The following LAMB1 variants were observed in gnomAD, a reference collection of about 807,000 sequenced individuals.
The protein encoded by LAMB1 is laminin subunit beta 1.
A neutral mutation model predicts 222.3 loss-of-function variants in LAMB1; 121 were observed. That is an observed-to-expected ratio of 0.54 (90% CI 0.47 to 0.63). LAMB1 has a LOEUF of 0.63. LAMB1 is among the 30% of genes least tolerant of loss of function. The pLI, the probability that LAMB1 is intolerant of heterozygous loss-of-function variation, is 0.00. For missense variants in LAMB1, 2,172 were observed against 2,240.8 expected, an observed-to-expected ratio of 0.97 and a Z score of 0.62; for synonymous variants, 794 against 807.2, an observed-to-expected ratio of 0.98 and a Z score of 0.28.
At chr7:107,974,577 G>T (rs528819526) in intron 12 of LAMB1, among the ~76,000 whole-genome samples, 1 of 152,292 alleles carries the variant, frequency 6.6e-6, no homozygotes, top group Non-Finnish European at 1.5e-5. Flanking sequence ...TAGATTCCCA[G>T]AGGTGGGGTT....
chr7:107,992,374 G>A (rs1036901487), intron 5 of LAMB1, among the ~76,000 whole-genome samples: 18 of 152,362 alleles, frequency 1.2e-4, no homozygotes, highest in African/African-American at 3.4e-4. Flanking sequence ...TCCTCTGGAA[G>A]ACTGGAAGCT....
intron 14 of LAMB1, among the ~76,000 whole-genome samples, chr7:107,963,371 T>G (rs535966118): frequency 1.3e-5 from 2 of 152,316 alleles, no homozygotes; most frequent in Admixed American, 6.5e-5. Context: ...ACATCCCACA[T>G]GCCGTTATAA....
At chr7:107,929,228 G>C (rs2032644651) in intron 30 of LAMB1, 23 bp from the exon 31 acceptor site, 1 of 1,612,260 alleles carries the variant, frequency 6.2e-7, no homozygotes, top group Admixed American at 1.7e-5. Context: ...TAATGAGACA[G>C]TATATTGTTG....
intron 20 of LAMB1, among the ~76,000 whole-genome samples, chr7:107,958,633 G>GT (rs1324620286): frequency 6.6e-6 from 1 of 152,216 alleles, no homozygotes; most frequent in Admixed American, 6.5e-5. Context: ...AATAAACAGT[G>GT]TAAGTCAGCA....
In LAMB1 at chr7:107,965,831, G is replaced by C. The variant is rs74948636; in HGVS notation, c.1563-1144C>G. Among the ~76,000 whole-genome samples, 104 of 152,196 alleles carry C rather than the reference G, an allele frequency of 6.8e-4. 1 individual carries two copies. The East Asian group carries it at 0.018, about 27-fold the overall frequency. On this transcript the variant is annotated intron_variant, in intron 13 of 33. Transcript: ENST00000222399. ...AAAATGTCCCAAGGCCGGGTGCGCA[G>C]TGGCTCACGTCTATAATCCCACACT...
intron 31 of LAMB1, among the ~76,000 whole-genome samples, chr7:107,927,762 A>G (rs2032599251): frequency 1.3e-5 from 2 of 152,258 alleles, no homozygotes; most frequent in Admixed American, 1.3e-4. Context: ...ACTTGAACAA[A>G]TAGCCTGAAG....
At chr7:107,926,598 G>A (rs981340745) in intron 31 of LAMB1, among the ~76,000 whole-genome samples, 10 of 151,884 alleles carry the variant, frequency 6.6e-5, no homozygotes, top group Non-Finnish European at 1.3e-4. Context: ...TGAGATTGAT[G>A]TAAAATTTTT....
At chr7:107,984,137 T>C (rs1305972022) in intron 7 of LAMB1, among the ~76,000 whole-genome samples, 1 of 152,206 alleles carries the variant, frequency 6.6e-6, no homozygotes, top group Non-Finnish European at 1.5e-5. Context: ...AGAGTGTTAG[T>C]AGAGCACATG....
intron 18 of LAMB1, 142 bp from the exon 19 acceptor site, chr7:107,959,976 G>T: frequency 8.4e-7 from 1 of 1,186,404 alleles, no homozygotes; most frequent in Non-Finnish European, 1.1e-6. Flanking sequence ...CGGAAGGGAA[G>T]AAAGGGGAGG....
intron 24 of LAMB1, among the ~76,000 whole-genome samples, chr7:107,947,148 TG>T (rs1414649066): frequency 6.6e-6 from 1 of 152,196 alleles, no homozygotes; most frequent in East Asian, 1.9e-4. Flanking sequence ...TGTTCAGGCT[TG>T]GCACCATCGA....
intron 31 of LAMB1, among the ~76,000 whole-genome samples, chr7:107,927,150 G>T (rs955867414): frequency 6.6e-6 from 1 of 151,920 alleles, no homozygotes; most frequent in African/African-American, 2.4e-5. Flanking sequence ...AGTTAATAAG[G>T]GTCAGTATAA....
intron 24 of LAMB1, among the ~76,000 whole-genome samples, chr7:107,943,181 G>A (rs2108224): frequency 0.58 from 88,017 of 152,046 alleles, 25,775 homozygotes; most frequent in East Asian, 0.84. Context: ...ATGATGAAAA[G>A]TTCTGTATCC....
At chr7:107,988,310 T>C (rs2034118259) in intron 5 of LAMB1, among the ~76,000 whole-genome samples, 2 of 152,182 alleles carry the variant, frequency 1.3e-5, no homozygotes, top group South Asian at 2.1e-4. Flanking sequence ...ATGTGTGATG[T>C]CCACTTGGAG....
chr7:107,960,656 A>C lies in LAMB1; in HGVS notation c.2110-7T>G, dbSNP rs1422893016. On this transcript the variant is annotated splice_region_variant and splice_polypyrimidine_tract_variant and intron_variant, in intron 17 of 33. Coordinates refer to ENST00000222399, the MANE Select transcript of LAMB1 (RefSeq NM_002291.3). ...AGTATGGCATGAGAACAAGCTGTGA[A>C]GAAATGAGAACGGCCAAACATCCTT... The C allele has an allele frequency of 6.2e-7, 1 of 1,613,746 alleles. No homozygotes were observed. Among genetic ancestry groups the C allele is most frequent in the East Asian group, 2.2e-5 (1 of 44,892 alleles).
At position 107,931,352 on chromosome 7, in the gene LAMB1, T is replaced by G. The variant is rs776443374; in HGVS notation, c.4537+4A>C. On this transcript the variant is annotated splice_donor_region_variant and intron_variant, in intron 29 of 33. Coordinates refer to ENST00000222399, the MANE Select transcript of LAMB1 (RefSeq NM_002291.3). ...TCTAAAAGTAAAATGAAAAAATTTC[T>G]TACGGGTCAAAAAGTTTCTGATTTG... 4.3e-6 allele frequency: 7 copies of G among 1,610,096 alleles called. No individual in the cohort carries two copies. The highest frequency in any genetic ancestry group is 1.1e-5 in the South Asian group (1 of 90,250).
At chr7:107,998,628 T>G in intron 3 of LAMB1, 136 bp from the exon 4 acceptor site, 1 of 686,862 alleles carries the variant, frequency 1.5e-6, no homozygotes, top group East Asian at 2.8e-5. Flanking sequence ...GAAAATTGCT[T>G]AGGAGATTTG....
chr7:107,951,320 G>A lies in LAMB1; in HGVS notation c.3297C>T (p.Phe1099=). The A allele has an allele frequency of 6.2e-7, 1 of 1,614,040 alleles. No individual in the cohort carries two copies. The highest frequency in any genetic ancestry group is 1.3e-5 in the African/African-American group (1 of 75,048). The part of the protein sequence containing the change: ...AHSFGPSCNE[F]TGQCQCMPGF... The stretch of plus-strand genomic sequence containing the variant: ...CAGGCATGCACTGGCACTGCCCCGT[G>A]AACTGCGGCCAGAACACAGACCTTG... The change falls in exon 24 of 34, where the codon TTC becomes TTT. Residue 1099 remains phenylalanine (F), a splice_region_variant and synonymous_variant. Transcript: ENST00000222399.
chr7:107,973,118 T>A, intron 12 of LAMB1, 47 bp from the exon 13 acceptor site: 1 of 1,450,596 alleles, frequency 6.9e-7, no homozygotes, highest in East Asian at 2.3e-5. Context: ...TCTGTAATTA[T>A]GCAACAGACT....
At position 108,002,169 on chromosome 7, in the gene LAMB1, T is replaced by A. The variant is rs564193554; in HGVS notation, c.38-436A>T. On this transcript the variant is annotated intron_variant, in intron 2 of 33. Coordinates refer to ENST00000222399, the MANE Select transcript of LAMB1 (RefSeq NM_002291.3). ...CGTGCACGCGGCAGCCCGCGCATCCTCGGTGTGAGTGTGCGCGTGGAGATC... is the reference window on the plus strand; with the variant it reads ...CGTGCACGCGGCAGCCCGCGCATCCACGGTGTGAGTGTGCGCGTGGAGATC... 6.7e-4 allele frequency: 949 copies of A among 1,414,440 alleles called. 12 individuals carry two copies. The African/African-American group carries it at 0.013, about 19-fold the overall frequency. The allele number at this position is 1,414,440 out of a possible 1,614,324, so 87.6% of individuals were successfully genotyped here.
Sources: allele counts gnomAD v4.1 joint callset (sites outside exome capture counted in the v4.1 genomes callset), GRCh38; gene constraint gnomAD v4.1.1; transcripts MANE v1.5; gene names NCBI Gene and HGNC (gene_info 2026-07-23, HGNC 2026-07-21).